Variants in MAPK10 observed in about 807,000 individuals in gnomAD.
MAPK10 encodes the protein JNK3 alpha protein kinase.
Under a neutral mutation model 59.3 loss-of-function variants are expected in MAPK10, and 25 were observed. The observed-to-expected ratio is 0.42, with a 90% CI of 0.31 to 0.59. The LOEUF (loss-of-function observed/expected upper bound fraction) is 0.59. Ranked by LOEUF, MAPK10 falls within the 20% of genes least tolerant of loss-of-function variation. The pLI is 0.15. For synonymous variants in MAPK10, 190 were observed against 200.5 expected (o/e 0.95, Z 0.44); for missense variants, 351 against 568.9 (o/e 0.62, Z 3.90).
intron 9 of MAPK10, among the ~76,000 whole-genome samples, chr4:86,070,153 T>C (rs1472698171): frequency 6.6e-6 from 1 of 152,188 alleles, no homozygotes; most frequent in East Asian, 1.9e-4. Context: ...AGTTAAATGT[T>C]CATACTGCAA....
At chr4:86,287,556 C>T (rs12511071) in intron 2 of MAPK10, among the ~76,000 whole-genome samples, 5 of 152,100 alleles carry the variant, frequency 3.3e-5, no homozygotes, top group Admixed American at 6.6e-5. Flanking sequence ...AAGCATCAGG[C>T]GTTCTAAAAA....
intron 2 of MAPK10, among the ~76,000 whole-genome samples, chr4:86,199,462 T>C (rs1354946758): frequency 6.6e-6 from 1 of 152,062 alleles, no homozygotes; most frequent in Non-Finnish European, 1.5e-5. Flanking sequence ...TATGCACAAC[T>C]AAACAATATC....
At chr4:86,063,750 A>G (rs1413636793) in intron 11 of MAPK10, among the ~76,000 whole-genome samples, 1 of 152,202 alleles carries the variant, frequency 6.6e-6, no homozygotes, top group Non-Finnish European at 1.5e-5. Flanking sequence ...ACCTGAAGTA[A>G]TGTACTTACT....
At chr4:86,286,070 C>A (rs1302961892) in intron 2 of MAPK10, among the ~76,000 whole-genome samples, 1 of 152,226 alleles carries the variant, frequency 6.6e-6, no homozygotes, top group East Asian at 1.9e-4. Flanking sequence ...CACAGACATA[C>A]TCAGAAATAG....
chr4:86,157,593 T>C (rs2149223854), intron 4 of MAPK10, among the ~76,000 whole-genome samples: 1 of 151,964 alleles, frequency 6.6e-6, no homozygotes, highest in East Asian at 1.9e-4. Flanking sequence ...CAGAAGCATG[T>C]CTGGGAATGG....
In MAPK10 at chr4:86,101,235, G is replaced by A; in HGVS notation, c.565-18C>T. ...TTTAAATCCTAACAGTAAGGATAAG[G>A]GAAAAAATTAAAAGCCAGTATCAAG... On this transcript the variant is annotated intron_variant, in intron 7 of 13. Coordinates refer to ENST00000641462, the MANE Select transcript of MAPK10 (RefSeq NM_138982.4). The A allele has an allele frequency of 1.2e-6, 2 of 1,603,006 alleles. No individual in the cohort carries two copies. The highest frequency in any genetic ancestry group is 1.7e-4 in the Middle Eastern group (1 of 6,010).
chr4:86,279,328 T>C (rs1397744471), intron 2 of MAPK10, among the ~76,000 whole-genome samples: 1 of 152,122 alleles, frequency 6.6e-6, no homozygotes, highest in African/African-American at 2.4e-5. Context: ...TGATCACTTA[T>C]CTTAGTCAAG....
chr4:86,542,316 C>T (rs570933255), intron 1 of MAPK10, among the ~76,000 whole-genome samples: 2 of 152,222 alleles, frequency 1.3e-5, no homozygotes, highest in Admixed American at 6.5e-5. Flanking sequence ...GTTCAGAGAC[C>T]AGAGTTTTAG....
At chr4:86,504,708 C>G (rs1755595485) in intron 1 of MAPK10, among the ~76,000 whole-genome samples, 1 of 152,072 alleles carries the variant, frequency 6.6e-6, no homozygotes, top group Non-Finnish European at 1.5e-5. Context: ...CTCCACTTTC[C>G]ACCCCATCCT....
intron 2 of MAPK10, among the ~76,000 whole-genome samples, chr4:86,220,229 C>T (rs887387388): frequency 2.6e-4 from 39 of 151,978 alleles, no homozygotes; most frequent in Admixed American, 9.2e-4. Flanking sequence ...TGAAATGTCA[C>T]AACAACAAAA....
chr4:86,556,780 GA>G (rs1263152851), intron 1 of MAPK10, among the ~76,000 whole-genome samples: 1 of 152,066 alleles, frequency 6.6e-6, no homozygotes, highest in Non-Finnish European at 1.5e-5. Context: ...TGATAACCTG[GA>G]AAGTATCTCC....
intron 2 of MAPK10, among the ~76,000 whole-genome samples, chr4:86,276,504 T>C (rs1583911995): frequency 1.3e-5 from 2 of 152,270 alleles, no homozygotes; most frequent in African/African-American, 4.8e-5. Context: ...AGTGCAAAGA[T>C]AGATAAGCAG....
intron 2 of MAPK10, among the ~76,000 whole-genome samples, chr4:86,218,568 C>CAAAAAAAAAAAA (rs11330422): frequency 1.0e-5 from 1 of 95,452 alleles, no homozygotes; most frequent in Non-Finnish European, 2.3e-5. Context: ...AAGACTTAAG[C>CAAAAAAAAAAAA]AAAAAAAAAA....
intron 1 of MAPK10, among the ~76,000 whole-genome samples, chr4:86,557,909 G>A (rs765244366): frequency 1.3e-5 from 2 of 152,018 alleles, no homozygotes; most frequent in Non-Finnish European, 2.9e-5. Flanking sequence ...TTAGTGCCCT[G>A]ACTTAGGTAG....
intron 3 of MAPK10, chr4:86,191,502 C>T (rs1266217512): frequency 1.5e-5 from 2 of 136,256 alleles, no homozygotes; most frequent in African/African-American, 5.3e-5. Flanking sequence ...TTATGTAATG[C>T]CTTTCTTTGT....
At chr4:86,351,509 A>G (rs1238054065) in intron 2 of MAPK10, among the ~76,000 whole-genome samples, 2 of 151,942 alleles carry the variant, frequency 1.3e-5, no homozygotes, top group Non-Finnish European at 2.9e-5. Flanking sequence ...TTGTTTGCCC[A>G]CCACATTCAT....
In MAPK10 at chr4:86,108,138, T is replaced by C. The variant is rs2056859152; in HGVS notation, c.237-786A>G. On this transcript the variant is annotated intron_variant, in intron 4 of 13. Transcript: ENST00000641462. The stretch of plus-strand genomic sequence containing the variant: ...GTTTTAGAAACATAAATAACTGCAT[T>C]TAAATACAAAGACAAAAATAAATGC... 2.0e-5 allele frequency among the ~76,000 whole-genome samples: 3 copies of C among 152,204 alleles called. No individual in the cohort carries two copies. In the South Asian group the frequency reaches 6.2e-4, roughly 32 times the overall value.
chr4:86,185,581 C>A (rs1190749803), intron 3 of MAPK10, among the ~76,000 whole-genome samples: 1 of 152,114 alleles, frequency 6.6e-6, no homozygotes, highest in Non-Finnish European at 1.5e-5. Context: ...AAAGACAATT[C>A]TTTCTAATGT....
At chr4:86,549,599 G>A (rs552747176) in intron 1 of MAPK10, among the ~76,000 whole-genome samples, 9 of 152,138 alleles carry the variant, frequency 5.9e-5, no homozygotes, top group Admixed American at 5.2e-4. Flanking sequence ...GAAGGCTTAG[G>A]GCATTACTGT....
Sources: allele counts gnomAD v4.1 joint callset (sites outside exome capture counted in the v4.1 genomes callset), GRCh38; gene constraint gnomAD v4.1.1; transcripts MANE v1.5; gene names NCBI Gene and HGNC (gene_info 2026-07-23, HGNC 2026-07-21).